Variants in SOCS6 observed in about 807,000 individuals in gnomAD.
The protein encoded by SOCS6 is suppressor of cytokine signaling 6.
Under a neutral mutation model 27.7 loss-of-function variants are expected in SOCS6, and 5 were observed. The ratio of observed to expected loss-of-function variants is 0.18; its 90% CI spans 0.09 to 0.38. The LOEUF is 0.38. Among genes scored for constraint, SOCS6 ranks in the 10% least tolerant of loss-of-function variants. The pLI, the probability that SOCS6 is intolerant of heterozygous loss-of-function variation, is 1.00. For synonymous variants in SOCS6, 271 were observed against 260.0 expected (o/e 1.04, Z -0.41); for missense variants, 595 against 688.1 (o/e 0.86, Z 1.51).
At chr18:70,310,944 A>G (rs1175976778) in intron 1 of SOCS6, among the ~76,000 whole-genome samples, 1 of 152,188 alleles carries the variant, frequency 6.6e-6, no homozygotes, top group Non-Finnish European at 1.5e-5. Context: ...TAAAACGGAG[A>G]TAAAAATAGT....
intron 1 of SOCS6, among the ~76,000 whole-genome samples, chr18:70,305,104 G>A (rs1418495078): frequency 8.2e-6 from 1 of 121,990 alleles, no homozygotes; most frequent in Non-Finnish European, 1.7e-5. Context: ...CTATTGGGGA[G>A]GCCGACGCAG....
intron 1 of SOCS6, among the ~76,000 whole-genome samples, chr18:70,299,304 A>G (rs1011625191): frequency 2.0e-5 from 3 of 152,072 alleles, no homozygotes; most frequent in African/African-American, 4.8e-5. Flanking sequence ...GGTTCCCACT[A>G]CCTCCTCAGA....
intron 1 of SOCS6, among the ~76,000 whole-genome samples, chr18:70,318,701 G>A (rs1030864764): frequency 6.6e-6 from 1 of 152,064 alleles, no homozygotes; most frequent in African/African-American, 2.4e-5. Flanking sequence ...ACTTTGGGAG[G>A]CCAAAGCGGG....
At chr18:70,302,993 C>G (rs1397278411) in intron 1 of SOCS6, among the ~76,000 whole-genome samples, 1 of 151,298 alleles carries the variant, frequency 6.6e-6, no homozygotes, top group Non-Finnish European at 1.5e-5. Context: ...CAACCATTTC[C>G]TTTAAAAAAA....
At position 70,329,767 on chromosome 18, in the gene SOCS6, C is replaced by T. The variant is rs980497615; in HGVS notation, c.*3491C>T. The T allele has an allele frequency of 6.0e-6, 1 of 166,896 alleles. No homozygotes were observed. The highest frequency in any genetic ancestry group is 1.5e-5 in the Non-Finnish European group (1 of 68,066). 10.3% of individuals were successfully genotyped at this position (166,896 alleles called of 1,614,324 possible). On this transcript the variant is annotated 3_prime_UTR_variant, in exon 2 of 2. Transcript: ENST00000397942. ...TGGTTTCTTTTAATACTTTTTTAAT[C>T]CTGTAAAGAAGGGTTTTTATAAACA...
In SOCS6 at chr18:70,326,125, G is replaced by C. The variant is rs762259381; in HGVS notation, c.1457G>C (p.Arg486Thr). The change falls in exon 2 of 2, where the codon AGA (arginine) becomes ACA (threonine). Residue 486 changes from arginine (R) to threonine (T), a missense_variant. Arg to Thr is a moderately conservative substitution (Grantham distance 71). Transcript: ENST00000397942. ...CCTGGATCTGCAACTTACCCCGTCA[G>C]ACTGACCAACCCAGTGTCCCGGTTC... ...RLPGSATYPV[R>T]LTNPVSRFMQ... The C allele has an allele frequency of 6.8e-6, 11 of 1,614,080 alleles. No individual in the cohort carries two copies. In the Admixed American group the frequency reaches 1.8e-4, roughly 27 times the overall value.
chr18:70,289,775 G>A (rs1232147765), intron 1 of SOCS6, among the ~76,000 whole-genome samples: 1 of 152,138 alleles, frequency 6.6e-6, no homozygotes, highest in Non-Finnish European at 1.5e-5. Flanking sequence ...CACTCACCCG[G>A]GTGTAGGGAC....
At chr18:70,318,169 A>G (rs1360950951) in intron 1 of SOCS6, among the ~76,000 whole-genome samples, 1 of 151,968 alleles carries the variant, frequency 6.6e-6, no homozygotes, top group African/African-American at 2.4e-5. Context: ...TATTTATTAT[A>G]TAGTTTTTTT....
At chr18:70,295,947 C>T (rs2062320929) in intron 1 of SOCS6, among the ~76,000 whole-genome samples, 1 of 152,144 alleles carries the variant, frequency 6.6e-6, no homozygotes, top group African/African-American at 2.4e-5. Flanking sequence ...TTCGTGTCTT[C>T]CTGGAGGATG....
At chr18:70,314,047 GGATCT>G in intron 1 of SOCS6, 1 of 152,150 alleles carries the variant, frequency 6.6e-6, no homozygotes, top group Non-Finnish European at 1.5e-5. Context: ...GTTATAAATA[GGATCT>G]AGTCTTTTAT....
At chr18:70,316,917 A>C (rs921591727) in intron 1 of SOCS6, among the ~76,000 whole-genome samples, 36 of 152,220 alleles carry the variant, frequency 2.4e-4, no homozygotes, top group African/African-American at 8.0e-4. Flanking sequence ...ATATCCTTAC[A>C]TAATATGTCT....
At chr18:70,289,605 C>G (rs1286753293) in intron 1 of SOCS6, among the ~76,000 whole-genome samples, 4 of 144,158 alleles carry the variant, frequency 2.8e-5, no homozygotes, top group East Asian at 4.0e-4. Flanking sequence ...CGGGCTCGGG[C>G]TCGGGGTCGG....
At position 70,327,331 on chromosome 18, in the gene SOCS6, T is replaced by C. The variant is rs1364569689; in HGVS notation, c.*1055T>C. 1 of 166,796 alleles carries C rather than the reference T, an allele frequency of 6.0e-6. No homozygotes were observed. The highest frequency in any genetic ancestry group is 6.5e-5 in the Admixed American group (1 of 15,280). 10.3% of individuals were successfully genotyped at this position (166,796 alleles called of 1,614,324 possible). A position where few individuals can be genotyped will look rare whatever the true frequency, so the allele number is the denominator to read the frequency against. The stretch of plus-strand genomic sequence containing the variant: ...AAACATTGTTTTAAAGTTGGATTTA[T>C]ATTTTTCTTCTATGTAGTTACTATA... On this transcript the variant is annotated 3_prime_UTR_variant, in exon 2 of 2. Coordinates refer to ENST00000397942, the MANE Select transcript of SOCS6 (RefSeq NM_004232.4).
Position 70,310,588 on chromosome 18 carries a change from G to A in SOCS6, c.-126-13955G>A, listed in dbSNP as rs535047610. Among the ~76,000 whole-genome samples the A allele has an allele frequency of 1.1e-4, 16 of 151,264 alleles. No individual in the cohort carries two copies. In the East Asian group the frequency reaches 2.9e-3, roughly 28 times the overall value. Reference sequence around the variant, plus strand: ...CTCCCAAAGTGCTAGGATTATAGGCGTGAGCCACCAAGCCCGGCCAACCAC... The same window carrying A: ...CTCCCAAAGTGCTAGGATTATAGGCATGAGCCACCAAGCCCGGCCAACCAC... On this transcript the variant is annotated intron_variant, in intron 1 of 1. Coordinates refer to ENST00000397942, the MANE Select transcript of SOCS6 (RefSeq NM_004232.4).
At chr18:70,313,401 C>G (rs1233648563) in intron 1 of SOCS6, among the ~76,000 whole-genome samples, 1 of 151,906 alleles carries the variant, frequency 6.6e-6, no homozygotes, top group Admixed American at 6.6e-5. Flanking sequence ...TTTGCATTGT[C>G]AGATTTATTC....
At chr18:70,311,705 A>G (rs1215215469) in intron 1 of SOCS6, among the ~76,000 whole-genome samples, 1 of 152,248 alleles carries the variant, frequency 6.6e-6, no homozygotes, top group African/African-American at 2.4e-5. Context: ...ATAAATATAT[A>G]TACAAATGAG....
At chr18:70,308,632 T>C (rs942727960) in intron 1 of SOCS6, among the ~76,000 whole-genome samples, 1 of 152,224 alleles carries the variant, frequency 6.6e-6, no homozygotes, top group Admixed American at 6.5e-5. Flanking sequence ...TTCATCTTTA[T>C]TTGTTCCATC....
intron 1 of SOCS6, among the ~76,000 whole-genome samples, chr18:70,309,287 G>A (rs1026933313): frequency 1.3e-5 from 2 of 152,046 alleles, no homozygotes; most frequent in African/African-American, 4.8e-5. Flanking sequence ...TACACAAAAA[G>A]GATGATATGC....
At chr18:70,290,218 T>C in intron 1 of SOCS6, among the ~76,000 whole-genome samples, 1 of 152,224 alleles carries the variant, frequency 6.6e-6, no homozygotes, top group South Asian at 2.1e-4. Flanking sequence ...TTAAATTTAC[T>C]GTGTTCCTTG....
Sources: gnomAD v4.1 joint callset for allele counts (sites outside exome capture counted in the v4.1 genomes callset) on GRCh38, gnomAD v4.1.1 for gene constraint, MANE v1.5 for transcripts, NCBI Gene and HGNC (gene_info 2026-07-23, HGNC 2026-07-21) for gene names.